The following KDM2B variants were observed in gnomAD, a reference collection of about 807,000 sequenced individuals.
The protein encoded by KDM2B is lysine demethylase 2B.
KDM2B carries 26 observed loss-of-function variants against 150.0 expected under a neutral mutation model. The ratio of observed to expected loss-of-function variants is 0.17; its 90% CI spans 0.13 to 0.24. The LOEUF is 0.24. Among genes scored for constraint, KDM2B ranks in the 10% least tolerant of loss-of-function variants. KDM2B has a pLI of 1.00. For missense variants in KDM2B, 1,265 were observed against 1,816.9 expected (o/e 0.70, Z 5.52); for synonymous variants, 734 against 729.5 (o/e 1.01, Z -0.10).
chr12:121,432,809 A>G (rs1322665408), intron 22 of KDM2B, among the ~76,000 whole-genome samples: 1 of 152,168 alleles, frequency 6.6e-6, no homozygotes, highest in Admixed American at 6.5e-5. Context: ...TCCCCACTCC[A>G]TCACCAGCTC....
intron 4 of KDM2B, among the ~76,000 whole-genome samples, chr12:121,569,903 C>A (rs1890971334): frequency 6.6e-6 from 1 of 150,628 alleles, no homozygotes; most frequent in Admixed American, 6.6e-5. Context: ...GAGTGGAGTG[C>A]AGTGGCGTGA....
In KDM2B at chr12:121,436,288, G is replaced by C. The variant is rs368958894; in HGVS notation, c.3829+3569C>G. ...TGTAATCCCAGCACTTTGGGAGGCCGAGGCGGGCGGATCACGAGGTCAGGA... is the reference window on the plus strand; with the variant it reads ...TGTAATCCCAGCACTTTGGGAGGCCCAGGCGGGCGGATCACGAGGTCAGGA... On this transcript the variant is annotated intron_variant, in intron 22 of 22. Transcript: ENST00000377071. Among the ~76,000 whole-genome samples, 5 of 152,174 alleles carry C rather than the reference G, an allele frequency of 3.3e-5. No homozygotes were observed. The East Asian group carries it at 9.6e-4, about 29-fold the overall frequency.
At chr12:121,576,081 G>A (rs575045388) in intron 2 of KDM2B, among the ~76,000 whole-genome samples, 11 of 152,254 alleles carry the variant, frequency 7.2e-5, no homozygotes, top group Admixed American at 6.5e-4. Flanking sequence ...TGCCTACTCA[G>A]TCAGTCATTC....
chr12:121,455,055 G>C (rs1259552744), intron 12 of KDM2B, among the ~76,000 whole-genome samples: 1 of 152,082 alleles, frequency 6.6e-6, no homozygotes, highest in Non-Finnish European at 1.5e-5. Flanking sequence ...AGCCTCACGT[G>C]CCACCCACTT....
chr12:121,432,257 C>CA (rs1873177011), intron 22 of KDM2B, among the ~76,000 whole-genome samples: 1 of 151,994 alleles, frequency 6.6e-6, no homozygotes, highest in Non-Finnish European at 1.5e-5. Context: ...AATGGCTGAC[C>CA]CTCTTCATAA....
intron 4 of KDM2B, among the ~76,000 whole-genome samples, chr12:121,554,459 C>T (rs1294842698): frequency 4.0e-5 from 6 of 151,344 alleles, no homozygotes; most frequent in African/African-American, 7.3e-5. Context: ...GGCTGGAGTG[C>T]GATGGCGATG....
chr12:121,490,076 C>G (rs1326457720), intron 12 of KDM2B, among the ~76,000 whole-genome samples: 1 of 152,236 alleles, frequency 6.6e-6, no homozygotes, highest in Non-Finnish European at 1.5e-5. Context: ...CGTGCCTCTC[C>G]TTCAGGGAAA....
At chr12:121,486,693 G>A (rs545024188) in intron 12 of KDM2B, among the ~76,000 whole-genome samples, 1 of 152,212 alleles carries the variant, frequency 6.6e-6, no homozygotes, top group African/African-American at 2.4e-5. Context: ...GGCTGAGGCA[G>A]GAGAATTACC....
At chr12:121,501,994 T>C (rs1884610487) in intron 11 of KDM2B, among the ~76,000 whole-genome samples, 1 of 152,062 alleles carries the variant, frequency 6.6e-6, no homozygotes, top group Admixed American at 6.6e-5. Context: ...TACATGTCAG[T>C]AAGACCCAGA....
intron 12 of KDM2B, chr12:121,470,393 T>A (rs563629736): frequency 2.0e-5 from 3 of 152,294 alleles, no homozygotes; most frequent in African/African-American, 7.2e-5. Context: ...CCCCTTCACT[T>A]CACAGGTGAG....
chr12:121,557,688 C>G (rs1417362970), intron 4 of KDM2B, among the ~76,000 whole-genome samples: 3 of 152,156 alleles, frequency 2.0e-5, no homozygotes, highest in South Asian at 2.1e-4. Flanking sequence ...GAAGGACCTG[C>G]CCCTAGAGAC....
At chr12:121,579,989 GAA>G (rs35855511) in intron 1 of KDM2B, 53,214 of 1,150,872 alleles carry the variant, frequency 0.046, no homozygotes, top group Middle Eastern at 0.087. Context: ...TACAGATTTG[GAA>G]AAAAAAAAAA....
intron 22 of KDM2B, among the ~76,000 whole-genome samples, 166 bp downstream of exon 22, chr12:121,439,691 T>C (rs1593732828): frequency 6.6e-6 from 1 of 152,236 alleles, no homozygotes; most frequent in African/African-American, 2.4e-5. Flanking sequence ...ACAGTAACTC[T>C]TTGTTTACTG....
the KDM2B span, chr12:121,418,400 A>G: frequency 6.4e-6 from 1 of 156,972 alleles, no homozygotes; most frequent in Non-Finnish European, 1.4e-5. Flanking sequence ...ATTGTAATTA[A>G]TAATATTGTC....
At chr12:121,472,315 T>C (rs1325908951) in intron 12 of KDM2B, among the ~76,000 whole-genome samples, 2 of 152,196 alleles carry the variant, frequency 1.3e-5, no homozygotes, top group East Asian at 3.8e-4. Context: ...TCTAACACAG[T>C]GTAAATAAAA....
At chr12:121,456,093 A>G (rs1555292648) in intron 12 of KDM2B, among the ~76,000 whole-genome samples, 1 of 152,234 alleles carries the variant, frequency 6.6e-6, no homozygotes, top group Non-Finnish European at 1.5e-5. Context: ...AGCACTGCAG[A>G]GGATGCCTTC....
intron 6 of KDM2B, chr12:121,536,223 G>T: frequency 2.8e-6 from 1 of 359,948 alleles, no homozygotes; most frequent in Non-Finnish European, 3.9e-6. Context: ...GTGGACCGGG[G>T]GCTCAGCAGT....
intron 12 of KDM2B, among the ~76,000 whole-genome samples, chr12:121,458,892 C>T (rs1555293348): frequency 1.3e-5 from 2 of 151,860 alleles, no homozygotes; most frequent in African/African-American, 4.8e-5. Flanking sequence ...TTGAGACCAT[C>T]CTGCTCAACC....
rs1555295206 is a variant in KDM2B, at chr12:121,467,819, C to G, written c.1735-14475G>C. The stretch of plus-strand genomic sequence containing the variant: ...GGGTCCCCAGGTCCCTTGCAGCAGG[C>G]ACACGGGCTGCCGGGTTTGCACTCG... On this transcript the variant is annotated intron_variant, in intron 12 of 22. Transcript: ENST00000377071. The surrounding 1 kb of genome is among the most constrained non-coding windows in gnomAD (Gnocchi z 5.1). 1 of 152,250 alleles carries G rather than the reference C, an allele frequency of 6.6e-6. No individual in the cohort carries two copies. The highest frequency in any genetic ancestry group is 1.9e-4 in the East Asian group (1 of 5,188). 9.4% of individuals were successfully genotyped at this position (152,250 alleles called of 1,614,324 possible). A position where few individuals can be genotyped will look rare whatever the true frequency, so the allele number is the denominator to read the frequency against.
Sources: gnomAD v4.1 joint callset for allele counts (sites outside exome capture counted in the v4.1 genomes callset) on GRCh38, gnomAD v4.1.1 for gene constraint, Gnocchi (gnomAD v3.1) non-coding constraint, MANE v1.5 for transcripts, NCBI Gene and HGNC (gene_info 2026-07-23, HGNC 2026-07-21) for gene names.